Variants in STXBP5 observed in about 807,000 individuals in gnomAD.
STXBP5 encodes the protein syntaxin-binding protein 5.
STXBP5 carries 50 observed loss-of-function variants against 152.4 expected under a neutral mutation model. The observed-to-expected ratio is 0.33, with a 90% CI of 0.26 to 0.42. STXBP5 has a LOEUF of 0.42. Ranked by LOEUF, STXBP5 falls within the 10% of genes least tolerant of loss-of-function variation. The pLI, the probability that STXBP5 is intolerant of heterozygous loss-of-function variation, is 1.00. For synonymous variants in STXBP5, 492 were observed against 494.7 expected, an observed-to-expected ratio of 0.99 and a Z score of 0.07; for missense variants, 1,167 against 1,388.6, an observed-to-expected ratio of 0.84 and a Z score of 2.54.
chr6:147,352,637 G>C (rs1784640861), intron 21 of STXBP5, among the ~76,000 whole-genome samples: 1 of 152,090 alleles, frequency 6.6e-6, no homozygotes, highest in Admixed American at 6.5e-5. Context: ...AATGAACCCA[G>C]TAGCTATGAA....
At chr6:147,336,744 G>A (rs954486464) in intron 19 of STXBP5, among the ~76,000 whole-genome samples, 1 of 152,150 alleles carries the variant, frequency 6.6e-6, no homozygotes, top group South Asian at 2.1e-4. Context: ...TGGATTGGGA[G>A]TTAAAATGAG....
intron 4 of STXBP5, among the ~76,000 whole-genome samples, chr6:147,253,006 A>G (rs1779176172): frequency 6.6e-6 from 1 of 152,118 alleles, no homozygotes; most frequent in Non-Finnish European, 1.5e-5. Flanking sequence ...AGACACAACA[A>G]AAAAAGAAGT....
intron 25 of STXBP5, among the ~76,000 whole-genome samples, chr6:147,371,464 T>A (rs1785537279): frequency 6.6e-6 from 1 of 152,140 alleles, no homozygotes; most frequent in Non-Finnish European, 1.5e-5. Context: ...GTACATACAC[T>A]ATTGATGTCT....
intron 2 of STXBP5, among the ~76,000 whole-genome samples, chr6:147,223,556 G>A (rs867994973): frequency 3.9e-5 from 6 of 152,082 alleles, no homozygotes; most frequent in African/African-American, 1.4e-4. Context: ...TTTAGGGAAG[G>A]TAATGCTTAA....
At chr6:147,297,456 G>A (rs557170741) in intron 9 of STXBP5, among the ~76,000 whole-genome samples, 9 of 152,206 alleles carry the variant, frequency 5.9e-5, no homozygotes, top group African/African-American at 2.2e-4. Flanking sequence ...TGATTATGCT[G>A]AGTCCTACAG....
At chr6:147,376,947 T>A (rs766921955) in intron 26 of STXBP5, among the ~76,000 whole-genome samples, 2 of 152,142 alleles carry the variant, frequency 1.3e-5, no homozygotes, top group Non-Finnish European at 2.9e-5. Flanking sequence ...CTGGTATAAC[T>A]ATATTAATAT....
chr6:147,364,226 T>G, intron 25 of STXBP5, 60 bp downstream of exon 25: 3 of 1,434,984 alleles, frequency 2.1e-6, no homozygotes, highest in Non-Finnish European at 2.9e-6. Context: ...TGAGGGCCCG[T>G]ATACTGTCTG....
chr6:147,377,991 A>T (rs1229863786), intron 26 of STXBP5, among the ~76,000 whole-genome samples: 2 of 152,208 alleles, frequency 1.3e-5, no homozygotes, highest in African/African-American at 4.8e-5. Context: ...TTTTGACGGA[A>T]TTTAATTGTT....
chr6:147,231,904 GAT>G (rs1006017830), intron 2 of STXBP5, among the ~76,000 whole-genome samples: 4 of 151,858 alleles, frequency 2.6e-5, no homozygotes, highest in African/African-American at 9.7e-5. Context: ...GATGTGAAAA[GAT>G]ATGAATGTTT....
At chr6:147,312,051 T>A (rs1782406644) in intron 11 of STXBP5, among the ~76,000 whole-genome samples, 1 of 152,200 alleles carries the variant, frequency 6.6e-6, no homozygotes. Flanking sequence ...GTCTTCTCAC[T>A]AGTGTCTATT....
chr6:147,253,001 CA>C (rs1215572489), intron 4 of STXBP5, among the ~76,000 whole-genome samples: 1 of 152,000 alleles, frequency 6.6e-6, no homozygotes, highest in Non-Finnish European at 1.5e-5. Context: ...TTCAGAGACA[CA>C]ACAAAAAAAG....
intron 4 of STXBP5, among the ~76,000 whole-genome samples, chr6:147,245,410 C>G (rs1425029399): frequency 6.6e-6 from 1 of 152,100 alleles, no homozygotes. Flanking sequence ...GCTTATTATG[C>G]CAATTGCCAG....
chr6:147,333,547 T>C (rs1003293602), intron 18 of STXBP5, among the ~76,000 whole-genome samples: 3 of 152,104 alleles, frequency 2.0e-5, no homozygotes, highest in Non-Finnish European at 2.9e-5. Flanking sequence ...AAAATATGAC[T>C]AATTCTCATT....
intron 18 of STXBP5, among the ~76,000 whole-genome samples, chr6:147,331,219 G>C (rs1279651437): frequency 1.3e-5 from 2 of 152,190 alleles, no homozygotes; most frequent in Non-Finnish European, 2.9e-5. Context: ...AAGGGTCACT[G>C]TTTAAGGGGG....
intron 25 of STXBP5, among the ~76,000 whole-genome samples, chr6:147,368,165 A>C (rs563060177): frequency 6.6e-6 from 1 of 152,296 alleles, no homozygotes; most frequent in South Asian, 2.1e-4. Flanking sequence ...TGAAGGAAGC[A>C]TTAACCTGAT....
At chr6:147,235,597 G>A (rs927308323) in intron 3 of STXBP5, among the ~76,000 whole-genome samples, 2 of 152,158 alleles carry the variant, frequency 1.3e-5, no homozygotes, top group Admixed American at 1.3e-4. Context: ...AAATTCCAGG[G>A]ATATTGAATA....
rs972959971 is a variant in STXBP5, at chr6:147,386,620, C to T, written c.*1865C>T. The T allele has an allele frequency of 1.3e-5, 2 of 151,722 alleles. No homozygotes were observed. Among genetic ancestry groups the T allele is most frequent in the Admixed American group, 6.6e-5 (1 of 15,198 alleles). The allele number at this position is 151,722 out of a possible 1,614,324, so 9.4% of individuals were successfully genotyped here. A position where few individuals can be genotyped will look rare whatever the true frequency, so the allele number is the denominator to read the frequency against. Reference sequence around the variant, plus strand: ...ACCAATGAATAACATATTTCTGTTTCGTTAATGTCAGCTGCCTGAACATTC... The same window carrying T: ...ACCAATGAATAACATATTTCTGTTTTGTTAATGTCAGCTGCCTGAACATTC... On this transcript the variant is annotated 3_prime_UTR_variant, in exon 28 of 28. Coordinates refer to ENST00000321680, the MANE Select transcript of STXBP5 (RefSeq NM_001127715.4).
intron 21 of STXBP5, among the ~76,000 whole-genome samples, chr6:147,343,245 A>G (rs1171810616): frequency 6.6e-6 from 1 of 152,130 alleles, no homozygotes; most frequent in Non-Finnish European, 1.5e-5. Flanking sequence ...AGTTAACATA[A>G]TTATTTAGGT....
chr6:147,306,703 T>C (rs1469780752), intron 9 of STXBP5, among the ~76,000 whole-genome samples: 1 of 152,180 alleles, frequency 6.6e-6, no homozygotes, highest in Non-Finnish European at 1.5e-5. Context: ...CTGGTCTTTG[T>C]GGTGGCTATT....
Sources: gnomAD v4.1 joint callset for allele counts (sites outside exome capture counted in the v4.1 genomes callset) on GRCh38, gnomAD v4.1.1 for gene constraint, MANE v1.5 for transcripts, NCBI Gene and HGNC (gene_info 2026-07-23, HGNC 2026-07-21) for gene names.